C1QTNF3: variants seen among roughly 807,000 people sequenced by gnomAD.
C1QTNF3 encodes complement C1q tumor necrosis factor-related protein 3.
A neutral mutation model predicts 32.6 loss-of-function variants in C1QTNF3; 26 were observed. The ratio of observed to expected loss-of-function variants is 0.80; its 90% confidence interval spans 0.58 to 1.11. C1QTNF3 has a LOEUF of 1.11. Ranked by LOEUF, C1QTNF3 falls within the 50% of genes least tolerant of loss-of-function variation. The probability of loss-of-function intolerance (pLI) is 0.00; values close to 1 mark genes in which losing one functional copy is unlikely to be tolerated. For synonymous variants in C1QTNF3, 155 were observed against 146.0 expected (o/e 1.06, Z -0.44); for missense variants, 362 against 398.2 (o/e 0.91, Z 0.77).
At chr5:34,050,010 C>A in the C1QTNF3 span, among the ~76,000 whole-genome samples, 2 of 152,198 alleles carry the variant, frequency 1.3e-5, no homozygotes, top group Non-Finnish European at 2.9e-5. Context: ...ACAAAAAATT[C>A]ACACTGTAAA....
In C1QTNF3 at chr5:34,022,131, A is replaced by G. The variant is rs186603320; in HGVS notation, c.801-1389T>C. Among the ~76,000 whole-genome samples the G allele has an allele frequency of 3.3e-5, 5 of 152,364 alleles. No individual in the cohort carries two copies. In the East Asian group the frequency reaches 7.7e-4, roughly 23 times the overall value. On this transcript the variant is annotated intron_variant, in intron 5 of 5. Transcript: ENST00000382065. The stretch of plus-strand genomic sequence containing the variant: ...AAAAGTATATGGAGTGTGGTTTAGT[A>G]ACACATGTAACTGACTTCACTTAAT...
chr5:34,097,404 A>G, the C1QTNF3 span, among the ~76,000 whole-genome samples: 2 of 150,844 alleles, frequency 1.3e-5, no homozygotes, highest in African/African-American at 2.4e-5. Flanking sequence ...GTGCATTTTT[A>G]ACATTAAATT....
chr5:34,244,464 T>A, the C1QTNF3 span, among the ~76,000 whole-genome samples: 1 of 152,070 alleles, frequency 6.6e-6, no homozygotes, highest in Non-Finnish European at 1.5e-5. Flanking sequence ...CCCACCCACA[T>A]CCTGATGATT....
At chr5:34,174,620 C>T in the C1QTNF3 span, among the ~76,000 whole-genome samples, 1 of 152,186 alleles carries the variant, frequency 6.6e-6, no homozygotes, top group Non-Finnish European at 1.5e-5. Flanking sequence ...CCTTCTCCAA[C>T]CAACCAAACT....
chr5:34,039,633 G>A (rs1276595395), intron 1 of C1QTNF3, among the ~76,000 whole-genome samples: 5 of 152,194 alleles, frequency 3.3e-5, no homozygotes, highest in African/African-American at 1.2e-4. Flanking sequence ...TCCCCATGCG[G>A]TATGTGTGTT....
the C1QTNF3 span, among the ~76,000 whole-genome samples, chr5:34,215,161 T>C: frequency 6.6e-6 from 1 of 152,190 alleles, no homozygotes; most frequent in Non-Finnish European, 1.5e-5. Context: ...TTGGTGCAGG[T>C]AGTTTGTTTC....
At chr5:34,158,070 CT>C in the C1QTNF3 span, 1 of 151,112 alleles carries the variant, frequency 6.6e-6, no homozygotes, top group South Asian at 2.1e-4. Flanking sequence ...ACTAATCAAT[CT>C]AAGAGCATAC....
chr5:34,075,383 C>A, the C1QTNF3 span, among the ~76,000 whole-genome samples: 1 of 151,588 alleles, frequency 6.6e-6, no homozygotes, highest in African/African-American at 2.4e-5. Context: ...TTTATATTTT[C>A]TGGTCATTCA....
the C1QTNF3 span, among the ~76,000 whole-genome samples, chr5:34,197,678 C>T: frequency 6.6e-6 from 1 of 152,066 alleles, no homozygotes; most frequent in Non-Finnish European, 1.5e-5. Flanking sequence ...GTTGTTGACC[C>T]AGGCAGCATC....
chr5:34,091,101 G>C, the C1QTNF3 span, among the ~76,000 whole-genome samples: 5,489 of 152,222 alleles, frequency 0.036, 287 homozygotes, highest in African/African-American at 0.11. Flanking sequence ...TGTCCCAAAG[G>C]GGTTGATAGG....
the C1QTNF3 span, among the ~76,000 whole-genome samples, chr5:34,211,124 GAC>G: frequency 6.6e-6 from 1 of 150,984 alleles, no homozygotes; most frequent in Non-Finnish European, 1.5e-5. Flanking sequence ...AAAGAAAAAT[GAC>G]ACAATTAGTT....
chr5:34,094,548 C>CT, the C1QTNF3 span, among the ~76,000 whole-genome samples: 2 of 147,206 alleles, frequency 1.4e-5, no homozygotes, highest in African/African-American at 2.5e-5. Flanking sequence ...CCATTTTCCA[C>CT]TTTTTTTTTC....
At chr5:34,177,686 A>G in the C1QTNF3 span, among the ~76,000 whole-genome samples, 1 of 150,878 alleles carries the variant, frequency 6.6e-6, no homozygotes, top group Admixed American at 6.6e-5. Context: ...ACGGGGTTTC[A>G]CCATGTTGGT....
chr5:34,132,444 T>TATATATA, the C1QTNF3 span, among the ~76,000 whole-genome samples: 1 of 30,694 alleles, frequency 3.3e-5, no homozygotes, highest in Non-Finnish European at 1.2e-4. Context: ...TGTATATATA[T>TATATATA]ATATATATAT....
At chr5:34,116,255 T>C in the C1QTNF3 span, among the ~76,000 whole-genome samples, 13 of 152,244 alleles carry the variant, frequency 8.5e-5, no homozygotes, top group African/African-American at 2.4e-4. Flanking sequence ...TTAAAAAATT[T>C]TATTGAGGCT....
the C1QTNF3 span, among the ~76,000 whole-genome samples, chr5:34,213,861 G>C: frequency 9.5e-6 from 1 of 105,438 alleles, no homozygotes; most frequent in Non-Finnish European, 1.8e-5. Flanking sequence ...GCCCAGGCTG[G>C]AGTGCAATGG....
At chr5:34,113,372 G>A in the C1QTNF3 span, among the ~76,000 whole-genome samples, 9 of 150,588 alleles carry the variant, frequency 6.0e-5, no homozygotes, top group Non-Finnish European at 1.3e-4. Flanking sequence ...ACACATTCAG[G>A]CCTATAAAGG....
the C1QTNF3 span, chr5:34,124,551 A>G: frequency 4.5e-6 from 3 of 659,478 alleles, no homozygotes; most frequent in Non-Finnish European, 8.4e-6. Flanking sequence ...AGATCTTGTG[A>G]GAATTCACTC....
At chr5:34,209,320 C>G in the C1QTNF3 span, among the ~76,000 whole-genome samples, 3 of 151,388 alleles carry the variant, frequency 2.0e-5, no homozygotes, top group Non-Finnish European at 4.4e-5. Context: ...CACTAACGCG[C>G]ATAGGCTTAA....
Sources: allele counts gnomAD v4.1 joint callset (sites outside exome capture counted in the v4.1 genomes callset), GRCh38; gene constraint gnomAD v4.1.1; transcripts MANE v1.5; gene names NCBI Gene and HGNC (gene_info 2026-07-23, HGNC 2026-07-21).